The following NELL1 variants were observed in gnomAD, a reference collection of about 807,000 sequenced individuals.
The protein encoded by NELL1 is neural EGFL like 1, also known as protein kinase C-binding protein NELL1.
A neutral mutation model predicts 107.4 loss-of-function variants in NELL1; 76 were observed. The ratio of observed to expected loss-of-function variants is 0.71; its 90% CI spans 0.59 to 0.86. The LOEUF (loss-of-function observed/expected upper bound fraction) is 0.86, where lower values mean the gene tolerates loss of function less well. Among genes scored for constraint, NELL1 ranks in the 40% least tolerant of loss-of-function variants. The probability of loss-of-function intolerance (pLI) is 0.00; values close to 1 mark genes in which losing one functional copy is unlikely to be tolerated. For synonymous variants in NELL1, 353 were observed against 341.2 expected (o/e 1.03, Z -0.38); for missense variants, 1,024 against 1,005.5 (o/e 1.02, Z -0.25).
intron 3 of NELL1, among the ~76,000 whole-genome samples, chr11:20,831,256 C>A (rs1858002462): frequency 6.6e-6 from 1 of 152,174 alleles, no homozygotes; most frequent in African/African-American, 2.4e-5. Flanking sequence ...TGCAAACCAG[C>A]AGCAAGACCA....
At chr11:21,010,565 G>A (rs72939977) in intron 12 of NELL1, among the ~76,000 whole-genome samples, 10,169 of 152,096 alleles carry the variant, frequency 0.067, 415 homozygotes, top group Middle Eastern at 0.13. Context: ...TACAATTTAG[G>A]ACCCTGGTTT....
At chr11:20,908,293 G>T (rs1212396632) in intron 5 of NELL1, among the ~76,000 whole-genome samples, 1 of 152,078 alleles carries the variant, frequency 6.6e-6, no homozygotes, top group African/African-American at 2.4e-5. Flanking sequence ...CAAAGACATG[G>T]AACTAACCCA....
intron 2 of NELL1, among the ~76,000 whole-genome samples, chr11:20,728,582 AT>A (rs34838544): frequency 0.14 from 20,898 of 144,274 alleles, 1,497 homozygotes; most frequent in East Asian, 0.22. Context: ...TTCATTGCTT[AT>A]TTTTTTTTTT....
At chr11:20,806,737 A>C (rs1857393024) in intron 3 of NELL1, among the ~76,000 whole-genome samples, 1 of 151,740 alleles carries the variant, frequency 6.6e-6, no homozygotes, top group African/African-American at 2.4e-5. Context: ...TTATTTATTT[A>C]TTTATTTATT....
intron 15 of NELL1, among the ~76,000 whole-genome samples, chr11:21,466,859 C>A (rs1319594199): frequency 6.6e-6 from 1 of 151,286 alleles, no homozygotes; most frequent in Non-Finnish European, 1.5e-5. Flanking sequence ...GAAGGATGGT[C>A]CTAGATGCCT....
chr11:21,177,003 G>T (rs1009276450), intron 13 of NELL1, among the ~76,000 whole-genome samples: 2 of 151,384 alleles, frequency 1.3e-5, no homozygotes, highest in Non-Finnish European at 2.9e-5. Context: ...TATATTTGTG[G>T]ATTACAATGA....
intron 14 of NELL1, among the ~76,000 whole-genome samples, chr11:21,360,283 T>C (rs571661555): frequency 6.6e-6 from 1 of 152,184 alleles, no homozygotes; most frequent in African/African-American, 2.4e-5. Context: ...TTAATTTCTA[T>C]GTATTTGTAT....
chr11:21,323,586 T>A (rs1850061608), intron 14 of NELL1, among the ~76,000 whole-genome samples: 1 of 152,114 alleles, frequency 6.6e-6, no homozygotes. Flanking sequence ...CCTTCCATTT[T>A]ACCTCTGACA....
At chr11:21,254,080 GTT>G (rs1185008690) in intron 14 of NELL1, among the ~76,000 whole-genome samples, 5 of 152,100 alleles carry the variant, frequency 3.3e-5, no homozygotes, top group Non-Finnish European at 5.9e-5. Flanking sequence ...CTGTGGATCA[GTT>G]GCAGGGAAGA....
intron 14 of NELL1, among the ~76,000 whole-genome samples, chr11:21,353,768 C>T (rs1850868695): frequency 6.6e-6 from 1 of 152,136 alleles, no homozygotes; most frequent in African/African-American, 2.4e-5. Flanking sequence ...TCTTTATTTT[C>T]TAAAAATGAT....
intron 16 of NELL1, among the ~76,000 whole-genome samples, chr11:21,554,280 T>G (rs962897285): frequency 2.0e-5 from 3 of 151,922 alleles, no homozygotes; most frequent in Non-Finnish European, 4.4e-5. Flanking sequence ...AAATAAAATG[T>G]AATTAGTGAC....
At position 21,172,746 on chromosome 11, in the gene NELL1, G is replaced by A. The variant is rs1032457765; in HGVS notation, c.1427-56586G>A. 7.3e-5 allele frequency among the ~76,000 whole-genome samples: 11 copies of A among 151,540 alleles called. 1 individual carries two copies. The South Asian group carries it at 1.0e-3, about 14-fold the overall frequency. ...GCCAAATACTCTATCTGCATTTTCA[G>A]GAATGAGACATTTTGCACACATTTT... On this transcript the variant is annotated intron_variant, in intron 13 of 19. Coordinates refer to ENST00000357134, the MANE Select transcript of NELL1 (RefSeq NM_006157.5).
intron 13 of NELL1, among the ~76,000 whole-genome samples, chr11:21,149,100 A>G (rs1856052683): frequency 6.6e-6 from 1 of 152,210 alleles, no homozygotes; most frequent in Non-Finnish European, 1.5e-5. Context: ...ACCGCAAAAT[A>G]TAACCATATT....
rs186991914 is a variant in NELL1, at chr11:21,469,532, C to T, written c.1646-64842C>T. On this transcript the variant is annotated intron_variant, in intron 15 of 19. Coordinates refer to ENST00000357134, the MANE Select transcript of NELL1 (RefSeq NM_006157.5). ...CTCTATAATTGTCTTTGCCATAGCT[C>T]TTTGCAGTTTTGGACATAGCCTATC... is the stretch of plus-strand genomic sequence containing the variant. Among the ~76,000 whole-genome samples the T allele has an allele frequency of 3.9e-3, 597 of 152,178 alleles. 4 individuals are homozygous for T. The highest frequency in any genetic ancestry group is 0.015 in the South Asian group (71 of 4,824).
chr11:20,923,935 G>GATCT (rs1272325159), intron 7 of NELL1, among the ~76,000 whole-genome samples: 18 of 152,222 alleles, frequency 1.2e-4, no homozygotes, highest in African/African-American at 3.9e-4. Flanking sequence ...AATGTACTTA[G>GATCT]ATCTGTTCAT....
At chr11:21,042,144 C>T in intron 12 of NELL1, among the ~76,000 whole-genome samples, 1 of 152,202 alleles carries the variant, frequency 6.6e-6, no homozygotes, top group Non-Finnish European at 1.5e-5. Context: ...AAAATATAAC[C>T]TCTTAACACA....
intron 14 of NELL1, among the ~76,000 whole-genome samples, chr11:21,350,752 TC>T (rs754802919): frequency 9.2e-5 from 14 of 152,130 alleles, no homozygotes; most frequent in Non-Finnish European, 1.9e-4. Context: ...AGCTCAAGAA[TC>T]TATTAGGCTA....
intron 5 of NELL1, among the ~76,000 whole-genome samples, chr11:20,907,680 G>A (rs1274863282): frequency 2.0e-5 from 3 of 152,044 alleles, no homozygotes; most frequent in Admixed American, 6.6e-5. Flanking sequence ...AATACCAAAA[G>A]CAATTGGAAC....
rs1217925812 is a variant in NELL1 at position 21,460,767 on chromosome 11, C to T, written c.1646-73607C>T. ...TTTCTGCTCCAATAACTTAGTAAGGCCATTGAGGTGGTACACCGTCTCTTC... is the reference window on the plus strand; with the variant it reads ...TTTCTGCTCCAATAACTTAGTAAGGTCATTGAGGTGGTACACCGTCTCTTC... On this transcript the variant is annotated intron_variant, in intron 15 of 19. Transcript: ENST00000357134. Among the ~76,000 whole-genome samples, 5 of 151,968 alleles carry T rather than the reference C, an allele frequency of 3.3e-5. No individual in the cohort carries two copies. In the East Asian group the frequency reaches 9.6e-4, roughly 29 times the overall value.
Sources: gnomAD v4.1 joint callset for allele counts (sites outside exome capture counted in the v4.1 genomes callset) on GRCh38, gnomAD v4.1.1 for gene constraint, MANE v1.5 for transcripts, NCBI Gene and HGNC (gene_info 2026-07-23, HGNC 2026-07-21) for gene names.